The following LY96 variants were observed in gnomAD, a reference collection of about 807,000 sequenced individuals.
LY96 encodes the protein myeloid differentiation protein-2.
A neutral mutation model predicts 18.9 loss-of-function variants in LY96; 18 were observed. That is an observed-to-expected ratio of 0.95 (90% CI 0.66 to 1.41). The LOEUF (loss-of-function observed/expected upper bound fraction) is 1.41. LY96 is among the 40% of genes most tolerant of loss of function. The probability of loss-of-function intolerance (pLI) is 0.00; values close to 1 mark genes in which losing one functional copy is unlikely to be tolerated. For missense variants in LY96, 175 were observed against 182.4 expected (o/e 0.96, Z 0.23); for synonymous variants, 66 against 62.6 (o/e 1.06, Z -0.26).
chr8:74,071,374 T>G, the LY96 span, among the ~76,000 whole-genome samples: 33 of 152,298 alleles, frequency 2.2e-4, no homozygotes, highest in African/African-American at 6.7e-4. Context: ...TTCAGTCTTT[T>G]ATATTGCCAG....
At chr8:74,001,404 T>C (rs564782474) in intron 1 of LY96, among the ~76,000 whole-genome samples, 1 of 152,076 alleles carries the variant, frequency 6.6e-6, no homozygotes, top group South Asian at 2.1e-4. Context: ...AATTTTTGTA[T>C]TTTTTGCGGA....
the LY96 span, among the ~76,000 whole-genome samples, chr8:74,088,894 C>A: frequency 1.3e-5 from 2 of 152,154 alleles, no homozygotes; most frequent in African/African-American, 4.8e-5. Flanking sequence ...CCTCTCCTGC[C>A]TATTTTAAAT....
At chr8:74,082,719 G>A in the LY96 span, among the ~76,000 whole-genome samples, 1 of 152,168 alleles carries the variant, frequency 6.6e-6, no homozygotes, top group African/African-American at 2.4e-5. Context: ...GTAAACAGGT[G>A]CACTTGTGTA....
the LY96 span, among the ~76,000 whole-genome samples, chr8:74,096,833 A>G: frequency 6.6e-6 from 1 of 152,158 alleles, no homozygotes; most frequent in Non-Finnish European, 1.5e-5. Context: ...TGATGTGAAT[A>G]CTTCTCTCTC....
chr8:74,051,720 G>A, the LY96 span, among the ~76,000 whole-genome samples: 1 of 152,162 alleles, frequency 6.6e-6, no homozygotes, highest in Admixed American at 6.5e-5. Flanking sequence ...TCTCCAACAC[G>A]TGAGGACATA....
chr8:74,048,805 GA>G, the LY96 span: 19 of 104,636 alleles, frequency 1.8e-4, no homozygotes, highest in Admixed American at 1.9e-4. Flanking sequence ...AGGAGAAAAA[GA>G]AAAAAAGAGA....
chr8:74,060,887 C>T, the LY96 span, among the ~76,000 whole-genome samples: 8,631 of 152,202 alleles, frequency 0.057, 342 homozygotes, highest in African/African-American at 0.11. Context: ...TCCAGTTTTC[C>T]GGTTTTGCCG....
chr8:73,997,303 A>G (rs187873521), intron 1 of LY96, among the ~76,000 whole-genome samples: 1 of 152,228 alleles, frequency 6.6e-6, no homozygotes, highest in Non-Finnish European at 1.5e-5. Context: ...TCCAGATTCT[A>G]TTCTATATCC....
At chr8:74,089,866 G>A in the LY96 span, among the ~76,000 whole-genome samples, 2 of 152,136 alleles carry the variant, frequency 1.3e-5, no homozygotes, top group African/African-American at 2.4e-5. Flanking sequence ...GAGGGAGTGT[G>A]TCATGTAGGC....
At chr8:74,019,145 G>T (rs1465305258) in intron 3 of LY96, among the ~76,000 whole-genome samples, 1 of 152,050 alleles carries the variant, frequency 6.6e-6, no homozygotes, top group Non-Finnish European at 1.5e-5. Context: ...CTGATTTTTT[G>T]AAAAGATCAA....
the LY96 span, among the ~76,000 whole-genome samples, chr8:74,038,584 T>G: frequency 2.0e-5 from 3 of 152,092 alleles, no homozygotes; most frequent in Admixed American, 2.0e-4. Context: ...AGAGATGGGG[T>G]CTTACTATAT....
At chr8:74,011,052 C>T (rs1816521273) in intron 3 of LY96, among the ~76,000 whole-genome samples, 1 of 152,150 alleles carries the variant, frequency 6.6e-6, no homozygotes. Flanking sequence ...TCTCCCTCCT[C>T]CCACTTTCTT....
chr8:73,998,662 G>A (rs1398982291), intron 1 of LY96, among the ~76,000 whole-genome samples: 1 of 151,908 alleles, frequency 6.6e-6, no homozygotes, highest in East Asian at 1.9e-4. Context: ...TATCCTGGGT[G>A]ACAGAGTGAA....
chr8:74,071,698 A>T, the LY96 span, among the ~76,000 whole-genome samples: 1 of 152,156 alleles, frequency 6.6e-6, no homozygotes, highest in Non-Finnish European at 1.5e-5. Context: ...AAGCAAAAAT[A>T]TGGTTTTAGC....
the LY96 span, among the ~76,000 whole-genome samples, chr8:74,076,946 G>A: frequency 2.0e-5 from 3 of 152,180 alleles, no homozygotes; most frequent in Non-Finnish European, 4.4e-5. Flanking sequence ...TGGGGCTCTT[G>A]CAGTTCTGAA....
At chr8:74,085,570 C>T in the LY96 span, among the ~76,000 whole-genome samples, 11 of 152,284 alleles carry the variant, frequency 7.2e-5, no homozygotes, top group Non-Finnish European at 1.2e-4. Context: ...ATGCCTTTGC[C>T]GCAGCCAGCT....
chr8:74,048,649 C>G, the LY96 span: 5 of 152,182 alleles, frequency 3.3e-5, no homozygotes, highest in African/African-American at 1.2e-4. Flanking sequence ...TACTTTTACT[C>G]ACCTTTTACT....
chr8:74,065,723 G>T, the LY96 span, among the ~76,000 whole-genome samples: 1 of 152,198 alleles, frequency 6.6e-6, no homozygotes, highest in Non-Finnish European at 1.5e-5. Flanking sequence ...AAGACAGAGT[G>T]TATATAAATC....
the LY96 span, among the ~76,000 whole-genome samples, chr8:74,039,763 C>G: frequency 6.6e-6 from 1 of 152,144 alleles, no homozygotes. Flanking sequence ...TTTCTTCTAC[C>G]GCTATCTACT....
Sources: gnomAD v4.1 joint callset for allele counts (sites outside exome capture counted in the v4.1 genomes callset) on GRCh38, gnomAD v4.1.1 for gene constraint, MANE v1.5 for transcripts, NCBI Gene and HGNC (gene_info 2026-07-23, HGNC 2026-07-21) for gene names.